DAB1: variants seen among roughly 807,000 people sequenced by gnomAD.
DAB1 encodes DAB adaptor protein 1.
Under a neutral mutation model 64.6 loss-of-function variants are expected in DAB1, and 15 were observed. The ratio of observed to expected loss-of-function variants is 0.23; its 90% CI spans 0.16 to 0.36. DAB1 has a LOEUF of 0.36. DAB1 is among the 10% of genes least tolerant of loss of function. DAB1 has a pLI of 1.00. For missense variants in DAB1, 596 were observed against 706.7 expected (o/e 0.84, Z 1.78); for synonymous variants, 235 against 251.9 (o/e 0.93, Z 0.64).
chr1:58,460,377 C>A (rs530069039), intron 3 of DAB1, among the ~76,000 whole-genome samples: 28 of 152,176 alleles, frequency 1.8e-4, no homozygotes, highest in Non-Finnish European at 4.0e-4. Context: ...AGTACCCATA[C>A]AACCTTTCTT....
intron 4 of DAB1, among the ~76,000 whole-genome samples, chr1:57,124,237 A>C (rs1656926403): frequency 6.6e-6 from 1 of 152,216 alleles, no homozygotes; most frequent in Non-Finnish European, 1.5e-5. Flanking sequence ...TGTTCAGTGC[A>C]AAGGTGATTG....
At chr1:57,382,714 A>C (rs936554011) in intron 1 of DAB1, among the ~76,000 whole-genome samples, 3 of 152,138 alleles carry the variant, frequency 2.0e-5, no homozygotes, top group Non-Finnish European at 4.4e-5. Context: ...CAGCCGGGGA[A>C]AGGTTCTCAG....
intron 7 of DAB1, among the ~76,000 whole-genome samples, chr1:57,457,355 A>C (rs1271956899): frequency 6.6e-6 from 1 of 152,180 alleles, no homozygotes; most frequent in Non-Finnish European, 1.5e-5. Flanking sequence ...AGCCATTCAC[A>C]TATTACATTT....
intron 6 of DAB1, among the ~76,000 whole-genome samples, chr1:57,710,297 T>C (rs1309263388): frequency 6.6e-6 from 1 of 152,200 alleles, no homozygotes; most frequent in East Asian, 1.9e-4. Flanking sequence ...GCCTGGTGTC[T>C]CAGGGTCAAT....
At chr1:58,220,607 G>A (rs2100321639) in intron 4 of DAB1, among the ~76,000 whole-genome samples, 1 of 152,244 alleles carries the variant, frequency 6.6e-6, no homozygotes, top group Non-Finnish European at 1.5e-5. Context: ...AAAGAGCAGT[G>A]GCTGTGGAGT....
chr1:58,408,677 A>G (rs563803544), intron 3 of DAB1, among the ~76,000 whole-genome samples: 41 of 152,352 alleles, frequency 2.7e-4, no homozygotes, highest in African/African-American at 9.6e-4. Flanking sequence ...TCAGACTGGG[A>G]TATTTAAGAA....
At chr1:57,066,717 A>T (rs1650948962) in intron 8 of DAB1, among the ~76,000 whole-genome samples, 1 of 152,080 alleles carries the variant, frequency 6.6e-6, no homozygotes, top group African/African-American at 2.4e-5. Flanking sequence ...AGGAGGGGAA[A>T]CTCACGTTTA....
intron 5 of DAB1, among the ~76,000 whole-genome samples, chr1:58,083,386 C>T (rs1367479821): frequency 6.6e-6 from 1 of 152,220 alleles, no homozygotes; most frequent in Non-Finnish European, 1.5e-5. Flanking sequence ...TTCTCCAAGG[C>T]ACTCTAGTAT....
At chr1:57,890,446 CTTTTCTTTTCTTTTTTTTTT>C (rs1326380707) in intron 5 of DAB1, among the ~76,000 whole-genome samples, 1 of 134,478 alleles carries the variant, frequency 7.4e-6, no homozygotes, top group Non-Finnish European at 1.6e-5. Context: ...GCTTTTCTTT[CTTTTCTTTTCTTTTTTTTTT>C]TTTTCTTTTG....
At position 57,042,242 on chromosome 1, in the gene DAB1, T is replaced by G. The variant is rs143698947; in HGVS notation, c.724-16199A>C. On this transcript the variant is annotated intron_variant, in intron 9 of 14. Coordinates refer to ENST00000371236, the MANE Select transcript of DAB1 (RefSeq NM_001365792.1). The stretch of plus-strand genomic sequence containing the variant: ...GTCCAGAGGATATCTGAAAGAGCGT[T>G]ATCCTCGACTGTTTTTGATTGATTG... Among the ~76,000 whole-genome samples the G allele has an allele frequency of 3.8e-3, 572 of 152,336 alleles. 5 individuals carry two copies. The highest frequency in any genetic ancestry group is 0.013 in the African/African-American group (541 of 41,570).
rs543855170 is a variant in DAB1 at position 57,956,675 on chromosome 1, T to G, written n.388-72513A>C. On this transcript the variant is annotated intron_variant and non_coding_transcript_variant, in intron 5 of 20. Coordinates refer to the DAB1 transcript ENST00000485760. The stretch of plus-strand genomic sequence containing the variant: ...TGTAACCATAAGAATGAGGGAAGCT[T>G]CATTCCGACGGAGTTCGACCAAAAT... Among the ~76,000 whole-genome samples the G allele has an allele frequency of 2.0e-5, 3 of 152,330 alleles. No homozygotes were observed. In the East Asian group the frequency reaches 5.8e-4, roughly 29 times the overall value.
intron 7 of DAB1, chr1:57,606,132 C>A: frequency 2.4e-6 from 1 of 412,632 alleles, no homozygotes; most frequent in South Asian, 2.4e-5. Flanking sequence ...CACTGCAGCT[C>A]CTTAAAGTGA....
intron 5 of DAB1, among the ~76,000 whole-genome samples, chr1:58,118,469 C>CATATATATATATATATATATAT (rs370100684): frequency 4.5e-5 from 1 of 22,050 alleles, no homozygotes; most frequent in Non-Finnish European, 7.2e-5. Context: ...TATCCTAAGG[C>CATATATATATATATATATATAT]ATATATATAT....
At chr1:58,127,764 A>C (rs1653225880) in intron 5 of DAB1, among the ~76,000 whole-genome samples, 1 of 151,376 alleles carries the variant, frequency 6.6e-6, no homozygotes, top group Non-Finnish European at 1.5e-5. Flanking sequence ...AAGATCACAT[A>C]GTTGTAGATA....
At chr1:58,509,632 CAGA>C (rs1557446540) in intron 2 of DAB1, among the ~76,000 whole-genome samples, 2 of 134,122 alleles carry the variant, frequency 1.5e-5, no homozygotes, top group South Asian at 2.4e-4. Context: ...CCAAAGTTTA[CAGA>C]AGGAGGGAAA....
intron 6 of DAB1, among the ~76,000 whole-genome samples, chr1:57,678,083 G>T (rs917728287): frequency 1.4e-4 from 22 of 152,156 alleles, no homozygotes; most frequent in African/African-American, 5.3e-4. Flanking sequence ...ATTCTGATGT[G>T]CAGACAAGGT....
chr1:57,606,628 A>ATATATAATATATTG, intron 7 of DAB1, among the ~76,000 whole-genome samples: 9 of 116,114 alleles, frequency 7.8e-5, no homozygotes, highest in African/African-American at 3.5e-4. Flanking sequence ...AATATATGAA[A>ATATATAATATATTG]TATATTATAT....
intron 3 of DAB1, among the ~76,000 whole-genome samples, chr1:58,365,876 A>G (rs552988122): frequency 1.3e-5 from 2 of 152,116 alleles, no homozygotes; most frequent in African/African-American, 2.4e-5. Context: ...TGACCCTGCA[A>G]CTTGTGACAG....
chr1:58,207,478 A>C (rs897664003), intron 4 of DAB1, among the ~76,000 whole-genome samples: 1 of 152,202 alleles, frequency 6.6e-6, no homozygotes, highest in African/African-American at 2.4e-5. Context: ...TGCTGCTTAG[A>C]AAGCAATGTG....
Sources: gnomAD v4.1 joint callset for allele counts (sites outside exome capture counted in the v4.1 genomes callset) on GRCh38, gnomAD v4.1.1 for gene constraint, MANE v1.5 for transcripts, NCBI Gene and HGNC (gene_info 2026-07-23, HGNC 2026-07-21) for gene names.